RCN2: variants seen among roughly 807,000 people sequenced by gnomAD.
The protein encoded by RCN2 is reticulocalbin-2.
Under a neutral mutation model 37.5 loss-of-function variants are expected in RCN2, and 23 were observed. The ratio of observed to expected loss-of-function variants is 0.61; its 90% confidence interval spans 0.44 to 0.87. The LOEUF is 0.87. Among genes scored for constraint, RCN2 ranks in the 40% least tolerant of loss-of-function variants. RCN2 has a pLI of 0.00. For synonymous variants in RCN2, 140 were observed against 144.6 expected, an observed-to-expected ratio of 0.97 and a Z score of 0.23; for missense variants, 381 against 390.4, an observed-to-expected ratio of 0.98 and a Z score of 0.20.
At chr15:76,935,793 C>A in intron 3 of RCN2, 71 bp downstream of exon 3, 1 of 1,128,690 alleles carries the variant, frequency 8.9e-7, no homozygotes, top group South Asian at 1.5e-5. Context: ...TGAATGAGCA[C>A]ATTGAGGGCC....
intron 6 of RCN2, chr15:76,948,835 A>G: frequency 1.8e-6 from 1 of 541,406 alleles, no homozygotes; most frequent in South Asian, 2.9e-5. Context: ...CATTGCCTTG[A>G]TATATCCTGG....
Position 76,931,821 on chromosome 15 carries a change from T to G in RCN2, c.-21T>G, listed in dbSNP as rs1568457905. 2 of 1,211,980 alleles carry G rather than the reference T, an allele frequency of 1.7e-6. No individual in the cohort carries two copies. Among genetic ancestry groups the G allele is most frequent in the Non-Finnish European group, 2.0e-6 (2 of 976,622 alleles). The allele number at this position is 1,211,980 out of a possible 1,614,324, so 75.1% of individuals were successfully genotyped here. A position where few individuals can be genotyped will look rare whatever the true frequency, so the allele number is the denominator to read the frequency against. The stretch of plus-strand genomic sequence containing the variant: ...CAGCCTCCCTCCTCGCGTCCCTCGG[T>G]GTCCTCCGCGGGCCGGCGCGATGCG... On this transcript the variant is annotated 5_prime_UTR_variant, in exon 1 of 7. Coordinates refer to ENST00000394885, the MANE Select transcript of RCN2 (RefSeq NM_002902.3).
intron 1 of RCN2, 102 bp from the exon 2 acceptor site, chr15:76,932,259 A>G: frequency 1.1e-6 from 1 of 937,350 alleles, no homozygotes; most frequent in East Asian, 2.6e-5. Flanking sequence ...GTCACCCCGA[A>G]ACCCTTTGGC....
In RCN2 at chr15:76,949,069, GGC is replaced by G; in HGVS notation, c.804_805del (p.Leu269SerfsTer4). On this transcript the variant is annotated frameshift_variant and splice_region_variant, in exon 7 of 7. Transcript: ENST00000394885. LOFTEE classifies it high-confidence loss of function. ...PNNQGIAQEE[A>X]LHLIDEMDLN... is the part of the protein sequence containing the mutation. ...TGACACTTTTTTGTTTTATTTTGAA[GGC>G]GCTTCATCTAATTGATGAAATGGAT... 1 of 1,585,924 alleles carries G rather than the reference GGC, an allele frequency of 6.3e-7. No individual in the cohort carries two copies. Among genetic ancestry groups the G allele is most frequent in the Non-Finnish European group, 8.5e-7 (1 of 1,169,886 alleles).
Position 76,943,822 on chromosome 15 carries a change from T to C in RCN2, c.512T>C (p.Leu171Pro), listed in dbSNP as rs1281794226. ...ANQDSGPGLSLEEFIAFEHPE... is the reference protein window; with the variant it reads ...ANQDSGPGLSPEEFIAFEHPE... ...CAGGATTCAGGTCCCGGTTTGAGTC[T>C]TGAAGAATTTATTGCTTTTGAGCAT... The change falls in exon 4 of 7, where the codon CTT becomes CCT. Residue 171 changes from leucine to proline, a missense_variant. By Grantham distance (98) the Leu-to-Pro change is moderately conservative. Transcript: ENST00000394885. 1.2e-6 allele frequency: 2 copies of C among 1,611,210 alleles called. No homozygotes were observed. Among genetic ancestry groups the C allele is most frequent in the Non-Finnish European group, 1.7e-6 (2 of 1,177,974 alleles).
intron 4 of RCN2, among the ~76,000 whole-genome samples, chr15:76,946,150 A>G (rs1277293948): frequency 6.6e-6 from 1 of 152,244 alleles, no homozygotes; most frequent in Non-Finnish European, 1.5e-5. Flanking sequence ...AATAAGTGTT[A>G]AGGGAAGGCA....
At chr15:76,934,500 A>T (rs897996832) in intron 2 of RCN2, among the ~76,000 whole-genome samples, 3 of 152,210 alleles carry the variant, frequency 2.0e-5, no homozygotes, top group African/African-American at 7.2e-5. Context: ...AAACTTTCCC[A>T]TGCCTTCAGG....
intron 4 of RCN2, among the ~76,000 whole-genome samples, chr15:76,945,258 T>C (rs2075292368): frequency 6.6e-6 from 1 of 152,232 alleles, no homozygotes; most frequent in Non-Finnish European, 1.5e-5. Flanking sequence ...GCCTTCCTTA[T>C]CCTTTTGTAG....
intron 4 of RCN2, among the ~76,000 whole-genome samples, chr15:76,945,184 T>G (rs751597281): frequency 2.0e-5 from 3 of 152,248 alleles, no homozygotes; most frequent in Non-Finnish European, 4.4e-5. Flanking sequence ...TTTAAATCTC[T>G]GTACTATGTA....
intron 2 of RCN2, among the ~76,000 whole-genome samples, chr15:76,934,782 T>C (rs987094644): frequency 3.4e-4 from 52 of 152,304 alleles, no homozygotes; most frequent in African/African-American, 1.2e-3. Context: ...TTTTTTCTCA[T>C]ACATACTAAA....
intron 2 of RCN2, among the ~76,000 whole-genome samples, chr15:76,932,690 CTA>C (rs1344185693): frequency 1.3e-5 from 2 of 152,164 alleles, no homozygotes; most frequent in Non-Finnish European, 2.9e-5. Flanking sequence ...ACCCTGTACT[CTA>C]TGTGGAAGTC....
chr15:76,942,532 G>A (rs376721738), intron 3 of RCN2: 10 of 152,256 alleles, frequency 6.6e-5, no homozygotes, highest in East Asian at 5.8e-4. Flanking sequence ...TGGGAAGATG[G>A]GAGAGAAAGT....
At chr15:76,938,773 G>C (rs1179814613) in intron 3 of RCN2, 2 of 455,806 alleles carry the variant, frequency 4.4e-6, no homozygotes, top group Admixed American at 2.3e-5. Flanking sequence ...AGTCTGCTTA[G>C]CTTCACATTT....
intron 4 of RCN2, among the ~76,000 whole-genome samples, chr15:76,945,744 T>G (rs954579844): frequency 2.0e-5 from 3 of 152,264 alleles, no homozygotes; most frequent in African/African-American, 7.2e-5. Context: ...TGGTAGACCC[T>G]GCTGCCTTGC....
Position 76,931,909 on chromosome 15 carries a change from G to A in RCN2, c.68G>A (p.Gly23Asp), listed in dbSNP as rs1179940530. The change falls in exon 1 of 7, where the codon GGC becomes GAC. Residue 23 changes from glycine to aspartate, a missense_variant. By Grantham distance (94) the Gly-to-Asp change is moderately conservative. Transcript: ENST00000394885. ...LLLCAAAAGA[G>D]KAEELHYPLG... ...CTGTGCGCCGCCGCGGCCGGCGCCG[G>A]CAAGGCCGAGGAGCTGCACTACCCG... is the stretch of plus-strand genomic sequence containing the variant. 6 of 1,326,052 alleles carry A rather than the reference G, an allele frequency of 4.5e-6. No homozygotes were observed. The highest frequency in any genetic ancestry group is 1.9e-5 in the South Asian group (1 of 53,156). The allele number at this position is 1,326,052 out of a possible 1,614,324, so 82.1% of individuals were successfully genotyped here.
chr15:76,932,338 C>T (rs767685290), intron 1 of RCN2, 23 bp from the exon 2 acceptor site: 112 of 1,575,904 alleles, frequency 7.1e-5, no homozygotes, highest in Non-Finnish European at 2.1e-5. Context: ...CTTGGCCCTC[C>T]TGTGTGTCGC....
In RCN2 at chr15:76,947,535, A is replaced by G; in HGVS notation, c.658+18A>G. 2.8e-6 allele frequency: 4 copies of G among 1,443,736 alleles called. No homozygotes were observed. Among genetic ancestry groups the G allele is most frequent in the Non-Finnish European group, 2.9e-6 (3 of 1,034,266 alleles). 89.4% of individuals were successfully genotyped at this position (1,443,736 alleles called of 1,614,324 possible). A position where few individuals can be genotyped will look rare whatever the true frequency, so the allele number is the denominator to read the frequency against. ...GGATCCAAGTAAGTCACCTGGGAGA[A>G]TGTGAAAAGAGAAAAGGAATTGAAG... On this transcript the variant is annotated intron_variant, in intron 5 of 6. Transcript: ENST00000394885.
In RCN2 at chr15:76,951,859, A is replaced by G. The variant is rs1387020169; in HGVS notation, c.*2637A>G. 6.6e-6 allele frequency: 1 copy of G among 152,122 alleles called. No homozygotes were observed. The highest frequency in any genetic ancestry group is 1.5e-5 in the Non-Finnish European group (1 of 68,002). 9.4% of individuals were successfully genotyped at this position (152,122 alleles called of 1,614,324 possible). A position where few individuals can be genotyped will look rare whatever the true frequency, so the allele number is the denominator to read the frequency against. On this transcript the variant is annotated 3_prime_UTR_variant, in exon 7 of 7. Coordinates refer to ENST00000394885, the MANE Select transcript of RCN2 (RefSeq NM_002902.3). ...ACTTCAAAGGGGAAAATTGAATGGG[A>G]TGTGCACATGTTGGCTCATATGTAG...
intron 3 of RCN2, chr15:76,938,813 T>C (rs1359864519): frequency 8.8e-6 from 4 of 453,456 alleles, no homozygotes; most frequent in Admixed American, 7.1e-5. Flanking sequence ...TGTGTAACTT[T>C]GGGCAAGTTA....
Sources: allele counts gnomAD v4.1 joint callset (sites outside exome capture counted in the v4.1 genomes callset), GRCh38; gene constraint gnomAD v4.1.1; transcripts MANE v1.5; gene names NCBI Gene and HGNC (gene_info 2026-07-23, HGNC 2026-07-21).